KCNAB1: variants seen among roughly 807,000 people sequenced by gnomAD.
KCNAB1 encodes the protein potassium voltage-gated channel subfamily A regulatory beta subunit 1, also known as voltage-gated potassium channel subunit beta-1.
A neutral mutation model predicts 64.6 loss-of-function variants in KCNAB1; 35 were observed. The observed-to-expected ratio is 0.54, with a 90% CI of 0.41 to 0.72. KCNAB1 has a LOEUF of 0.72. KCNAB1 is among the 30% of genes least tolerant of loss of function. KCNAB1 has a pLI of 0.00. For synonymous variants in KCNAB1, 177 were observed against 183.8 expected, an observed-to-expected ratio of 0.96 and a Z score of 0.30; for missense variants, 401 against 512.9, an observed-to-expected ratio of 0.78 and a Z score of 2.11.
intron 1 of KCNAB1, among the ~76,000 whole-genome samples, chr3:156,209,710 T>C (rs1714895277): frequency 2.0e-5 from 3 of 152,198 alleles, no homozygotes; most frequent in African/African-American, 7.2e-5. Context: ...GTATGTTGTG[T>C]GGGGGCTGAC....
chr3:156,378,324 T>C (rs1482695788), intron 1 of KCNAB1, among the ~76,000 whole-genome samples: 1 of 152,002 alleles, frequency 6.6e-6, no homozygotes, highest in Non-Finnish European at 1.5e-5. Flanking sequence ...CACTATTTGG[T>C]GGAGCTTCTC....
intron 4 of KCNAB1, among the ~76,000 whole-genome samples, chr3:156,458,277 G>T (rs1712605114): frequency 6.6e-6 from 1 of 152,304 alleles, no homozygotes; most frequent in South Asian, 2.1e-4. Context: ...AGGCCTCAAG[G>T]TTCAGGCCAT....
chr3:156,314,178 A>G (rs540046138), intron 1 of KCNAB1, among the ~76,000 whole-genome samples: 2 of 152,360 alleles, frequency 1.3e-5, no homozygotes, highest in East Asian at 3.9e-4. Context: ...TATGCTATAT[A>G]CTGGGCACAG....
intron 8 of KCNAB1, among the ~76,000 whole-genome samples, chr3:156,497,010 G>A (rs991616380): frequency 1.3e-4 from 20 of 152,002 alleles, no homozygotes; most frequent in Admixed American, 1.2e-3. Context: ...CATATAGAGT[G>A]ACAGATGCTC....
intron 1 of KCNAB1, among the ~76,000 whole-genome samples, chr3:156,130,401 C>G (rs954152765): frequency 1.3e-5 from 2 of 152,188 alleles, no homozygotes; most frequent in African/African-American, 4.8e-5. Context: ...CCTTCTTTTC[C>G]TAATATCAAC....
chr3:156,463,671 ACTT>A, intron 5 of KCNAB1, 28 bp from the exon 6 acceptor site: 1 of 1,544,982 alleles, frequency 6.5e-7, no homozygotes, highest in East Asian at 2.3e-5. Flanking sequence ...TTTATTTACT[ACTT>A]CTCTGTGTTT....
At chr3:156,256,575 C>G (rs1718112553) in intron 1 of KCNAB1, among the ~76,000 whole-genome samples, 1 of 152,248 alleles carries the variant, frequency 6.6e-6, no homozygotes, top group Non-Finnish European at 1.5e-5. Context: ...GCATCGTCTT[C>G]TGTTTTATGC....
At chr3:156,150,871 C>A (rs1715363956) in intron 1 of KCNAB1, among the ~76,000 whole-genome samples, 1 of 152,108 alleles carries the variant, frequency 6.6e-6, no homozygotes, top group Non-Finnish European at 1.5e-5. Flanking sequence ...AGCCTAGATT[C>A]CATGGCAAGC....
chr3:156,349,899 T>A (rs1462217743), intron 1 of KCNAB1, among the ~76,000 whole-genome samples: 2 of 152,210 alleles, frequency 1.3e-5, no homozygotes, highest in Non-Finnish European at 2.9e-5. Context: ...TCTACTGAGT[T>A]CTTTTCTCCC....
intron 1 of KCNAB1, among the ~76,000 whole-genome samples, chr3:156,323,277 T>G (rs1344976947): frequency 6.6e-6 from 1 of 152,072 alleles, no homozygotes; most frequent in East Asian, 1.9e-4. Context: ...ATGACTGGAG[T>G]GGGTTTTCAA....
chr3:156,211,551 C>T (rs967994137), intron 1 of KCNAB1, among the ~76,000 whole-genome samples: 2 of 152,124 alleles, frequency 1.3e-5, no homozygotes, highest in South Asian at 2.1e-4. Flanking sequence ...ATGCCAATGC[C>T]CACACACAGG....
At chr3:156,475,559 T>G (rs184072710) in intron 8 of KCNAB1, among the ~76,000 whole-genome samples, 1 of 152,218 alleles carries the variant, frequency 6.6e-6, no homozygotes, top group Non-Finnish European at 1.5e-5. Context: ...CCTGAGGTGA[T>G]TGAGAATGAA....
At chr3:156,434,127 A>G (rs1440018572) in intron 2 of KCNAB1, among the ~76,000 whole-genome samples, 1 of 152,204 alleles carries the variant, frequency 6.6e-6, no homozygotes. Flanking sequence ...TGACTCAGAA[A>G]GATTATGAAA....
intron 11 of KCNAB1, among the ~76,000 whole-genome samples, chr3:156,519,321 G>C (rs1355145476): frequency 6.6e-6 from 1 of 152,160 alleles, no homozygotes; most frequent in East Asian, 1.9e-4. Flanking sequence ...ATTCCCTTGG[G>C]ATCTAAGTTG....
chr3:156,172,588 G>A (rs147219734), intron 1 of KCNAB1, among the ~76,000 whole-genome samples: 3 of 152,158 alleles, frequency 2.0e-5, no homozygotes, highest in East Asian at 1.9e-4. Flanking sequence ...CTATCAAACG[G>A]CATTTTAAAA....
intron 7 of KCNAB1, among the ~76,000 whole-genome samples, chr3:156,470,680 C>T (rs913890224): frequency 4.6e-5 from 7 of 152,192 alleles, no homozygotes; most frequent in Non-Finnish European, 1.0e-4. Context: ...CAATTCAAAA[C>T]ACAAACCCAC....
At chr3:156,387,156 G>T (rs927180596) in intron 1 of KCNAB1, among the ~76,000 whole-genome samples, 2 of 152,006 alleles carry the variant, frequency 1.3e-5, no homozygotes, top group African/African-American at 4.8e-5. Context: ...GATTGACACA[G>T]GGATGAAGTC....
chr3:156,257,755 A>G (rs997911953), intron 1 of KCNAB1, among the ~76,000 whole-genome samples: 1 of 152,108 alleles, frequency 6.6e-6, no homozygotes. Context: ...TTACTGGGGG[A>G]TATCACATGG....
chr3:156,391,191 A>T (rs1487362885), intron 1 of KCNAB1, among the ~76,000 whole-genome samples: 1 of 152,234 alleles, frequency 6.6e-6, no homozygotes, highest in Non-Finnish European at 1.5e-5. Context: ...TTGAATACCC[A>T]GGTTGAAATT....
Sources: allele counts gnomAD v4.1 joint callset (sites outside exome capture counted in the v4.1 genomes callset), GRCh38; gene constraint gnomAD v4.1.1; transcripts MANE v1.5; gene names NCBI Gene and HGNC (gene_info 2026-07-23, HGNC 2026-07-21).